UQCRB: variants seen among roughly 807,000 people sequenced by gnomAD.
UQCRB encodes the protein cytochrome b-c1 complex subunit 7.
A neutral mutation model predicts 19.8 loss-of-function variants in UQCRB; 12 were observed. That is an observed-to-expected ratio of 0.61 (90% confidence interval 0.39 to 0.98). UQCRB has a LOEUF of 0.98. Ranked by LOEUF, UQCRB falls within the 50% of genes least tolerant of loss-of-function variation. The pLI is 0.00. For missense variants in UQCRB, 142 were observed against 131.8 expected (o/e 1.08, Z -0.38); for synonymous variants, 39 against 42.9 (o/e 0.91, Z 0.35).
chr8:96,231,969 C>T lies in UQCRB; in HGVS notation c.92-29G>A, dbSNP rs73269963. The T allele has an allele frequency of 1.9e-6, 3 of 1,609,516 alleles. No homozygotes were observed. The Admixed American group carries it at 5.0e-5, about 27-fold the overall frequency. On this transcript the variant is annotated intron_variant, in intron 2 of 3. Transcript: ENST00000287022. ...TGATAGATGACAAAGTTAGATTGCA[C>T]ATGCATCTCAAAAATCGCGGTTTTT...
In UQCRB at chr8:96,226,891, C is replaced by T. The variant is rs555991282; in HGVS notation, c.*4164G>A. On this transcript the variant is annotated 3_prime_UTR_variant, in exon 4 of 4. Transcript: ENST00000287022. ...GACATCTATGCTAAAAATTAACCAC[C>T]GTATAATGATTCAGTTCTTCTTTCT... 17 of 453,718 alleles carry T rather than the reference C, an allele frequency of 3.7e-5. No homozygotes were observed. The highest frequency in any genetic ancestry group is 2.6e-4 in the African/African-American group (13 of 50,078). The allele number at this position is 453,718 out of a possible 1,614,324, so 28.1% of individuals were successfully genotyped here.
Position 96,229,436 on chromosome 8 carries a change from G to A in UQCRB, c.*1619C>T, listed in dbSNP as rs1212672902. On this transcript the variant is annotated 3_prime_UTR_variant, in exon 4 of 4. Coordinates refer to ENST00000287022, the MANE Select transcript of UQCRB (RefSeq NM_006294.5). The stretch of plus-strand genomic sequence containing the variant: ...TACACACCTTGACAGTGCTCTTTGA[G>A]ATGCCTCAGTTGTAGTCTCCTTGTA... The A allele has an allele frequency of 2.2e-6, 1 of 454,140 alleles. No individual in the cohort carries two copies. Among genetic ancestry groups the A allele is most frequent in the South Asian group, 1.6e-5 (1 of 64,476 alleles). 28.1% of individuals were successfully genotyped at this position (454,140 alleles called of 1,614,324 possible).
At position 96,230,014 on chromosome 8, in the gene UQCRB, CCA is replaced by C. The variant is rs1355007145; in HGVS notation, c.*1039_*1040del. On this transcript the variant is annotated 3_prime_UTR_variant, in exon 4 of 4. Coordinates refer to ENST00000287022, the MANE Select transcript of UQCRB (RefSeq NM_006294.5). Reference sequence around the variant, plus strand: ...TGTTCCTTCTCTACTAGCTGTGGCTCCACACTCTCACCTCTACCAAAGAAAGC... The same window carrying C: ...TGTTCCTTCTCTACTAGCTGTGGCTCCACTCTCACCTCTACCAAAGAAAGC... 3 of 454,114 alleles carry C rather than the reference CCA, an allele frequency of 6.6e-6. No homozygotes were observed. Among genetic ancestry groups the C allele is most frequent in the Admixed American group, 2.3e-5 (1 of 42,576 alleles). 28.1% of individuals were successfully genotyped at this position (454,114 alleles called of 1,614,324 possible).
rs1251571116 is a variant in UQCRB at position 96,225,030 on chromosome 8, G to GTAC, written c.*6022_*6024dup. 6.6e-6 allele frequency among the ~76,000 whole-genome samples: 1 copy of GTAC among 152,042 alleles called. No individual in the cohort carries two copies. The highest frequency in any genetic ancestry group is 1.5e-5 in the Non-Finnish European group (1 of 68,022). On this transcript the variant is annotated 3_prime_UTR_variant, in exon 4 of 4. Coordinates refer to ENST00000287022, the MANE Select transcript of UQCRB (RefSeq NM_006294.5). ...ATTTCAGCAAATGTAAGTAAAAGGG[G>GTAC]TACTATCTAAACATATAAAGGTCTC...
rs1809613616 is a variant in UQCRB at position 96,229,711 on chromosome 8, A to G, written c.*1344T>C. 1 of 453,858 alleles carries G rather than the reference A, an allele frequency of 2.2e-6. No homozygotes were observed. The highest frequency in any genetic ancestry group is 4.4e-6 in the Non-Finnish European group (1 of 226,754). The allele number at this position is 453,858 out of a possible 1,614,324, so 28.1% of individuals were successfully genotyped here. ...TGATCTAGTTGTCTTCAACCATACA[A>G]AAGAAAATTGACATGATTTCAGGAT... On this transcript the variant is annotated 3_prime_UTR_variant, in exon 4 of 4. Coordinates refer to ENST00000287022, the MANE Select transcript of UQCRB (RefSeq NM_006294.5).
Position 96,231,584 on chromosome 8 carries a change from A to C in UQCRB, c.258+190T>G, listed in dbSNP as rs951935360. The C allele has an allele frequency of 3.7e-6, 5 of 1,369,274 alleles. No individual in the cohort carries two copies. In the African/African-American group the frequency reaches 7.2e-5, roughly 20 times the overall value. 84.8% of individuals were successfully genotyped at this position (1,369,274 alleles called of 1,614,324 possible). A position where few individuals can be genotyped will look rare whatever the true frequency, so the allele number is the denominator to read the frequency against. The stretch of plus-strand genomic sequence containing the variant: ...TAGAGACTTGCTTAGTAATTTCAGA[A>C]GAATCATTTCACACGTAAGACTCAA... On this transcript the variant is annotated intron_variant, in intron 3 of 3. Transcript: ENST00000287022.
intron 3 of UQCRB, chr8:96,231,542 G>T: frequency 6.8e-7 from 1 of 1,466,902 alleles, no homozygotes; most frequent in Non-Finnish European, 9.2e-7. Flanking sequence ...CTGGATTTTA[G>T]TCCTGGCTCT....
chr8:96,231,818 T>C lies in UQCRB; in HGVS notation c.214A>G (p.Lys72Glu). ...TGCTCTTTAGGCAAGATCTGATGCT[T>C]CAAGTTCAGGTCCAGTGCCCTCTTA... ...RIKRALDLNL[K>E]HQILPKEQWT... Residue 72 changes from lysine (K) to glutamate (E), a missense_variant, in exon 3 of 4, where the codon AAG becomes GAG. Coordinates refer to ENST00000287022, the MANE Select transcript of UQCRB (RefSeq NM_006294.5). The C allele has an allele frequency of 6.2e-7, 1 of 1,614,160 alleles. No individual in the cohort carries two copies. The highest frequency in any genetic ancestry group is 8.5e-7 in the Non-Finnish European group (1 of 1,180,038).
At chr8:96,232,955 C>T (rs960699984) in intron 2 of UQCRB, 1 of 575,820 alleles carries the variant, frequency 1.7e-6, no homozygotes, top group Non-Finnish European at 3.0e-6. Context: ...GCTTTCATCC[C>T]TCTTCTCTCA....
Position 96,230,850 on chromosome 8 carries a change from A to G in UQCRB, c.*205T>C, listed in dbSNP as rs1241836560. ...CCAAGTAGCAGTTAAACACAACTAA[A>G]TATATCTTGAAAGTTTGGAAAAAAA... On this transcript the variant is annotated 3_prime_UTR_variant, in exon 4 of 4. Coordinates refer to ENST00000287022, the MANE Select transcript of UQCRB (RefSeq NM_006294.5). The G allele has an allele frequency of 2.8e-6, 2 of 705,756 alleles. No homozygotes were observed. The highest frequency in any genetic ancestry group is 5.2e-6 in the Non-Finnish European group (2 of 384,256). 43.7% of individuals were successfully genotyped at this position (705,756 alleles called of 1,614,324 possible).
chr8:96,231,362 A>T, intron 3 of UQCRB: 5 of 1,543,384 alleles, frequency 3.2e-6, no homozygotes, highest in Non-Finnish European at 4.4e-6. Flanking sequence ...AAGAAAAAGA[A>T]ATGAATGTCC....
chr8:96,234,712 CA>C, intron 1 of UQCRB: 1 of 370,756 alleles, frequency 2.7e-6, no homozygotes, highest in Non-Finnish European at 5.3e-6. Flanking sequence ...GGTTGCATTG[CA>C]GTGAGACGAG....
rs769017780 is a variant in UQCRB at position 96,226,690 on chromosome 8, G to T, written c.*4365C>A. The T allele has an allele frequency of 1.1e-4, 38 of 340,604 alleles. No homozygotes were observed. Among genetic ancestry groups the T allele is most frequent in the Non-Finnish European group, 2.0e-4 (36 of 177,550 alleles). The allele number at this position is 340,604 out of a possible 1,614,324, so 21.1% of individuals were successfully genotyped here. A position where few individuals can be genotyped will look rare whatever the true frequency, so the allele number is the denominator to read the frequency against. ...ATTCAACTGGATAATGTTACCAGAAGTTTTCAGGGGTTTATTTTAAAATTA... is the reference window on the plus strand; with the variant it reads ...ATTCAACTGGATAATGTTACCAGAATTTTTCAGGGGTTTATTTTAAAATTA... On this transcript the variant is annotated 3_prime_UTR_variant, in exon 4 of 4. Coordinates refer to ENST00000287022, the MANE Select transcript of UQCRB (RefSeq NM_006294.5).
Position 96,229,579 on chromosome 8 carries a change from T to C in UQCRB, c.*1476A>G, listed in dbSNP as rs1296930919. 4.4e-6 allele frequency: 2 copies of C among 454,112 alleles called. No homozygotes were observed. The highest frequency in any genetic ancestry group is 1.6e-5 in the South Asian group (1 of 64,482). The allele number at this position is 454,112 out of a possible 1,614,324, so 28.1% of individuals were successfully genotyped here. A position where few individuals can be genotyped will look rare whatever the true frequency, so the allele number is the denominator to read the frequency against. On this transcript the variant is annotated 3_prime_UTR_variant, in exon 4 of 4. Coordinates refer to ENST00000287022, the MANE Select transcript of UQCRB (RefSeq NM_006294.5). ...CAGGAAAATTTTCTGAATAGACAAA[T>C]GCTTTTAAAGGGGGTTCTAGACAGC...
At chr8:96,233,490 T>G (rs1809724794) in intron 1 of UQCRB, 1 of 439,940 alleles carries the variant, frequency 2.3e-6, no homozygotes, top group African/African-American at 2.0e-5. Context: ...TGGTGGCAAG[T>G]CATGAAAGAA....
In UQCRB at chr8:96,228,796, A is replaced by G. The variant is rs774753876; in HGVS notation, c.*2259T>C. 5 of 454,102 alleles carry G rather than the reference A, an allele frequency of 1.1e-5. No individual in the cohort carries two copies. Among genetic ancestry groups the G allele is most frequent in the Non-Finnish European group, 1.8e-5 (4 of 226,782 alleles). The allele number at this position is 454,102 out of a possible 1,614,324, so 28.1% of individuals were successfully genotyped here. A position where few individuals can be genotyped will look rare whatever the true frequency, so the allele number is the denominator to read the frequency against. ...GATTCAGACCTGTGCAGTCTAACCC[A>G]GAATTAGCTCTGAATCACTCTACCA... is the stretch of plus-strand genomic sequence containing the variant. On this transcript the variant is annotated 3_prime_UTR_variant, in exon 4 of 4. Coordinates refer to ENST00000287022, the MANE Select transcript of UQCRB (RefSeq NM_006294.5).
At position 96,230,906 on chromosome 8, in the gene UQCRB, A is replaced by G. The variant is rs778849825; in HGVS notation, c.*149T>C. 5.9e-6 allele frequency: 5 copies of G among 853,310 alleles called. No individual in the cohort carries two copies. The highest frequency in any genetic ancestry group is 3.9e-5 in the Admixed American group (2 of 51,148). 52.9% of individuals were successfully genotyped at this position (853,310 alleles called of 1,614,324 possible). ...CAGTAAAGGGATTCAGTAGTTATTC[A>G]GTATAAGGTTTGGAATTCAAAAACT... On this transcript the variant is annotated 3_prime_UTR_variant, in exon 4 of 4. Transcript: ENST00000287022.
intron 2 of UQCRB, chr8:96,232,674 A>T (rs998925326): frequency 6.1e-6 from 1 of 163,862 alleles, no homozygotes; most frequent in African/African-American, 2.4e-5. Context: ...TCTCTACTAC[A>T]TACAAAAAAA....
chr8:96,226,745 A>G lies in UQCRB; in HGVS notation c.*4310T>C, dbSNP rs1809532715. 2 of 394,258 alleles carry G rather than the reference A, an allele frequency of 5.1e-6. No individual in the cohort carries two copies. Among genetic ancestry groups the G allele is most frequent in the Non-Finnish European group, 9.8e-6 (2 of 204,334 alleles). The allele number at this position is 394,258 out of a possible 1,614,324, so 24.4% of individuals were successfully genotyped here. On this transcript the variant is annotated 3_prime_UTR_variant, in exon 4 of 4. Transcript: ENST00000287022. Reference sequence around the variant, plus strand: ...TTTACATTTATGCAAAAATAGGCACATGTATTCAAACAAAAAGTTCAATAA... The same window carrying G: ...TTTACATTTATGCAAAAATAGGCACGTGTATTCAAACAAAAAGTTCAATAA...
Sources: gnomAD v4.1 joint callset for allele counts (sites outside exome capture counted in the v4.1 genomes callset) on GRCh38, gnomAD v4.1.1 for gene constraint, MANE v1.5 for transcripts, NCBI Gene and HGNC (gene_info 2026-07-23, HGNC 2026-07-21) for gene names.